NEK11: variants seen among roughly 807,000 people sequenced by gnomAD.
NEK11 encodes NIMA related kinase 11.
NEK11 carries 72 observed loss-of-function variants against 80.7 expected under a neutral mutation model. That is an observed-to-expected ratio of 0.89 (90% confidence interval 0.74 to 1.08). The LOEUF is 1.08. Among genes scored for constraint, NEK11 ranks in the 50% least tolerant of loss-of-function variants. The pLI is 0.00. For missense variants in NEK11, 764 were observed against 763.6 expected, an observed-to-expected ratio of 1.00 and a Z score of -0.01; for synonymous variants, 251 against 260.7, an observed-to-expected ratio of 0.96 and a Z score of 0.36.
intron 14 of NEK11, among the ~76,000 whole-genome samples, chr3:131,219,730 C>A (rs2094957761): frequency 6.6e-6 from 1 of 152,154 alleles, no homozygotes; most frequent in Non-Finnish European, 1.5e-5. Context: ...AAATAAATTT[C>A]TATTGTTTAA....
intron 17 of NEK11, among the ~76,000 whole-genome samples, chr3:131,315,479 G>T (rs73220538): frequency 9.0e-6 from 1 of 111,238 alleles, no homozygotes; most frequent in Non-Finnish European, 2.2e-5. Flanking sequence ...GTGTGTGTGT[G>T]TGTGTGTGTG....
chr3:131,345,172 C>G (rs1046585759), intron 17 of NEK11, among the ~76,000 whole-genome samples: 4 of 151,590 alleles, frequency 2.6e-5, no homozygotes, highest in Non-Finnish European at 5.9e-5. Context: ...TTATTCTGAT[C>G]TTTTGCAAAA....
rs956618392 is a variant in NEK11, at chr3:131,243,503, A to G, written c.1621+7A>G. The G allele has an allele frequency of 1.9e-6, 3 of 1,610,422 alleles. No individual in the cohort carries two copies. The highest frequency in any genetic ancestry group is 2.5e-6 in the Non-Finnish European group (3 of 1,177,204). ...CTGGGTTGCACTTCTCTAGGTGAGT[A>G]AGTTCCTTTAGGCTTCAAAATACAT... On this transcript the variant is annotated splice_region_variant and intron_variant, in intron 16 of 17. Transcript: ENST00000383366.
At chr3:131,183,904 G>A (rs951451470) in intron 14 of NEK11, among the ~76,000 whole-genome samples, 1 of 152,176 alleles carries the variant, frequency 6.6e-6, no homozygotes, top group African/African-American at 2.4e-5. Context: ...CCCACCAACA[G>A]TGTAAAAGCA....
At chr3:131,268,858 CT>C in intron 16 of NEK11, among the ~76,000 whole-genome samples, 1 of 152,344 alleles carries the variant, frequency 6.6e-6, no homozygotes, top group Middle Eastern at 3.4e-3. Context: ...TCTGCTGAAG[CT>C]GTGCCACAGC....
Position 131,228,677 on chromosome 3 carries a change from A to T in NEK11, c.1549A>T (p.Thr517Ser). ...RNEGSQPAYRTNQQDSDIEAL... is the reference protein window; with the variant it reads ...RNEGSQPAYRSNQQDSDIEAL... ...TGAGGGATCCCAGCCTGCTTACAGA[A>T]CAAACCAACAGGTATGTAATGCTCC... The change falls in exon 15 of 18, where the codon ACA (threonine) becomes TCA (serine). Residue 517 changes from threonine to serine, a missense_variant. Physicochemically the swap from Thr to Ser is moderately conservative, Grantham distance 58. Coordinates refer to ENST00000383366, the MANE Select transcript of NEK11 (RefSeq NM_024800.5). 6.2e-7 allele frequency: 1 copy of T among 1,612,918 alleles called. No homozygotes were observed. Among genetic ancestry groups the T allele is most frequent in the Non-Finnish European group, 8.5e-7 (1 of 1,179,260 alleles).
chr3:131,224,861 A>C (rs1230970661), intron 14 of NEK11, among the ~76,000 whole-genome samples: 2 of 152,242 alleles, frequency 1.3e-5, no homozygotes, highest in East Asian at 3.8e-4. Context: ...AGATATGAAA[A>C]AAAGAAAATA....
At chr3:131,298,713 G>T (rs2096628117) in intron 17 of NEK11, among the ~76,000 whole-genome samples, 1 of 151,922 alleles carries the variant, frequency 6.6e-6, no homozygotes, top group South Asian at 2.1e-4. Context: ...TGGTGGTGGT[G>T]GTAATGGTGG....
intron 17 of NEK11, among the ~76,000 whole-genome samples, chr3:131,281,063 G>T (rs1357041558): frequency 6.6e-6 from 1 of 152,270 alleles, no homozygotes; most frequent in South Asian, 2.1e-4. Flanking sequence ...TCACATGCAC[G>T]TGCTGGTCTA....
intron 3 of NEK11, among the ~76,000 whole-genome samples, chr3:131,074,832 T>C (rs1162704941): frequency 6.6e-6 from 1 of 152,204 alleles, no homozygotes; most frequent in Admixed American, 6.5e-5. Context: ...CCCAGCTCTA[T>C]TTTAGCATTT....
chr3:131,254,942 C>T (rs1181071690), intron 16 of NEK11, among the ~76,000 whole-genome samples: 1 of 151,676 alleles, frequency 6.6e-6, no homozygotes, highest in Non-Finnish European at 1.5e-5. Context: ...ATCGCTTTAA[C>T]CCAAGAGGTG....
At chr3:131,200,903 G>A (rs777941824) in intron 14 of NEK11, among the ~76,000 whole-genome samples, 14 of 152,082 alleles carry the variant, frequency 9.2e-5, no homozygotes, top group African/African-American at 2.9e-4. Flanking sequence ...CTGGTGTTTC[G>A]GTAACATGTG....
intron 5 of NEK11, 57 bp downstream of exon 5, chr3:131,109,978 T>C (rs2079832498): frequency 1.3e-6 from 2 of 1,519,490 alleles, no homozygotes; most frequent in African/African-American, 1.4e-5. Flanking sequence ...ATGTTTGAAC[T>C]TGAAAAGTGA....
At chr3:131,120,992 A>G (rs2082278521) in intron 5 of NEK11, among the ~76,000 whole-genome samples, 1 of 152,174 alleles carries the variant, frequency 6.6e-6, no homozygotes, top group African/African-American at 2.4e-5. Flanking sequence ...CAACTCGTCA[A>G]AGTCATTCTT....
chr3:131,126,506 A>T (rs2083365800), intron 5 of NEK11, among the ~76,000 whole-genome samples: 1 of 152,186 alleles, frequency 6.6e-6, no homozygotes, highest in South Asian at 2.1e-4. Context: ...ACAGATTTTT[A>T]TCTGACATTT....
intron 17 of NEK11, among the ~76,000 whole-genome samples, chr3:131,304,432 TG>T (rs1300014758): frequency 1.3e-5 from 2 of 152,230 alleles, no homozygotes; most frequent in African/African-American, 4.8e-5. Context: ...GAATCATTGC[TG>T]GGGAACTTGT....
At chr3:131,288,631 T>C (rs1360743183) in intron 17 of NEK11, among the ~76,000 whole-genome samples, 3 of 151,950 alleles carry the variant, frequency 2.0e-5, no homozygotes, top group Admixed American at 2.0e-4. Flanking sequence ...TTTGTATTTT[T>C]AGTAGAGATG....
rs145845872 is a variant in NEK11 at position 131,073,578 on chromosome 3, A to T, written c.171-6845A>T. 3.0e-3 allele frequency among the ~76,000 whole-genome samples: 462 copies of T among 152,348 alleles called. 1 individual carries two copies. Among genetic ancestry groups the T allele is most frequent in the Middle Eastern group, 6.8e-3 (2 of 294 alleles). ...AAACAAAATCAGTCTTGAAAAGCAT[A>T]GTAAATGGAATTTATCTATAGGTTG... On this transcript the variant is annotated intron_variant, in intron 3 of 17. Transcript: ENST00000383366.
At chr3:131,202,482 C>T (rs1285498559) in intron 14 of NEK11, among the ~76,000 whole-genome samples, 1 of 152,168 alleles carries the variant, frequency 6.6e-6, no homozygotes, top group African/African-American at 2.4e-5. Flanking sequence ...CCCATGGAGC[C>T]TTCCTCACTG....
Sources: allele counts gnomAD v4.1 joint callset (sites outside exome capture counted in the v4.1 genomes callset), GRCh38; gene constraint gnomAD v4.1.1; transcripts MANE v1.5; gene names NCBI Gene and HGNC (gene_info 2026-07-23, HGNC 2026-07-21).